RALYL: variants seen among roughly 807,000 people sequenced by gnomAD.
The protein encoded by RALYL is RNA-binding Raly-like protein.
In RALYL, 29 loss-of-function variants were observed where a neutral mutation model predicts 35.1. The observed-to-expected ratio is 0.83, with a 90% CI of 0.61 to 1.13. RALYL has a LOEUF of 1.13. Ranked by LOEUF, RALYL falls within the 50% of genes most tolerant of loss-of-function variation. The probability of loss-of-function intolerance (pLI) is 0.00; values close to 1 mark genes in which losing one functional copy is unlikely to be tolerated. For synonymous variants in RALYL, 120 were observed against 127.6 expected, an observed-to-expected ratio of 0.94 and a Z score of 0.40; for missense variants, 359 against 360.4, an observed-to-expected ratio of 1.00 and a Z score of 0.03.
chr8:84,854,196 A>G (rs761510550), intron 5 of RALYL, among the ~76,000 whole-genome samples: 2 of 152,042 alleles, frequency 1.3e-5, no homozygotes, highest in Non-Finnish European at 2.9e-5. Flanking sequence ...AAATACAAAA[A>G]TTAGCCAGGT....
At chr8:84,757,460 A>G (rs941323720) in intron 2 of RALYL, among the ~76,000 whole-genome samples, 7 of 152,156 alleles carry the variant, frequency 4.6e-5, no homozygotes, top group Non-Finnish European at 1.0e-4. Context: ...TATATCTCTT[A>G]TATTCATACA....
At chr8:84,786,179 T>G (rs1819406197) in intron 3 of RALYL, among the ~76,000 whole-genome samples, 1 of 152,218 alleles carries the variant, frequency 6.6e-6, no homozygotes. Context: ...TATGGCAGCA[T>G]AGTATTCCAC....
At chr8:84,741,701 T>C (rs963038760) in intron 2 of RALYL, among the ~76,000 whole-genome samples, 2 of 152,032 alleles carry the variant, frequency 1.3e-5, no homozygotes, top group Non-Finnish European at 2.9e-5. Context: ...GGGGAACACA[T>C]ACATCCAAAC....
chr8:84,678,836 A>G (rs951849512), intron 2 of RALYL: 3 of 170,268 alleles, frequency 1.8e-5, no homozygotes, highest in African/African-American at 7.2e-5. Context: ...GGAAAATCAA[A>G]AAGGATGAGA....
chr8:84,912,444 G>A (rs1196797039), intron 8 of RALYL, among the ~76,000 whole-genome samples: 1 of 151,972 alleles, frequency 6.6e-6, no homozygotes, highest in Admixed American at 6.6e-5. Flanking sequence ...CCTTAAAAAG[G>A]TCAATAATGT....
intron 1 of RALYL, among the ~76,000 whole-genome samples, chr8:84,248,226 G>C (rs528134170): frequency 6.6e-6 from 1 of 152,148 alleles, no homozygotes; most frequent in African/African-American, 2.4e-5. Flanking sequence ...TATCTCTTTA[G>C]GATGCTCATA....
chr8:84,501,108 T>A (rs569013468), intron 1 of RALYL, among the ~76,000 whole-genome samples: 5 of 152,276 alleles, frequency 3.3e-5, no homozygotes, highest in Non-Finnish European at 7.4e-5. Context: ...TCATTAAATG[T>A]GCTTTATATG....
chr8:84,468,706 G>A (rs1390370976), intron 1 of RALYL, among the ~76,000 whole-genome samples: 10 of 150,358 alleles, frequency 6.7e-5, no homozygotes, highest in Non-Finnish European at 3.0e-5. Flanking sequence ...GCTAGACTGG[G>A]GAAGTTCTCC....
chr8:84,312,628 C>T (rs1000245734), intron 1 of RALYL, among the ~76,000 whole-genome samples: 1 of 152,212 alleles, frequency 6.6e-6, no homozygotes, highest in Non-Finnish European at 1.5e-5. Context: ...AATCTTAAAG[C>T]TCTGAAATGA....
At chr8:84,354,259 T>C (rs1435053480) in intron 1 of RALYL, among the ~76,000 whole-genome samples, 1 of 150,268 alleles carries the variant, frequency 6.7e-6, no homozygotes, top group Non-Finnish European at 1.5e-5. Context: ...TAAATGTATT[T>C]GGCAAATTTG....
intron 2 of RALYL, among the ~76,000 whole-genome samples, chr8:84,632,098 T>C (rs1824040234): frequency 6.6e-6 from 1 of 151,720 alleles, no homozygotes. Flanking sequence ...GGGGTTAGTG[T>C]CCTTATAAAA....
chr8:84,203,040 C>G (rs1050695923), intron 1 of RALYL, among the ~76,000 whole-genome samples: 1 of 152,010 alleles, frequency 6.6e-6, no homozygotes, highest in Non-Finnish European at 1.5e-5. Flanking sequence ...TCTAGCCACA[C>G]AACAAAAGAA....
chr8:84,396,497 AC>A (rs1861786665), intron 1 of RALYL, among the ~76,000 whole-genome samples: 1 of 152,108 alleles, frequency 6.6e-6, no homozygotes, highest in Admixed American at 6.5e-5. Context: ...ACATTAAAGA[AC>A]CCTTGTTCAT....
intron 2 of RALYL, among the ~76,000 whole-genome samples, chr8:84,671,759 A>G (rs1022961944): frequency 2.6e-5 from 4 of 151,856 alleles, no homozygotes; most frequent in Admixed American, 2.0e-4. Context: ...CCACGAAACC[A>G]TTTTTTCCTT....
intron 4 of RALYL, among the ~76,000 whole-genome samples, chr8:84,843,301 C>G (rs989674375): frequency 9.2e-5 from 14 of 152,112 alleles, no homozygotes; most frequent in Non-Finnish European, 2.9e-5. Context: ...ACAAAAATCA[C>G]AAGCACTCTT....
At chr8:84,550,707 G>A (rs1319144958) in intron 2 of RALYL, among the ~76,000 whole-genome samples, 1 of 151,662 alleles carries the variant, frequency 6.6e-6, no homozygotes, top group Non-Finnish European at 1.5e-5. Flanking sequence ...TCAGAGTATA[G>A]CCATTATGAA....
intron 1 of RALYL, among the ~76,000 whole-genome samples, chr8:84,304,352 C>T (rs1003828517): frequency 7.9e-5 from 12 of 152,104 alleles, no homozygotes; most frequent in South Asian, 2.1e-4. Flanking sequence ...CTCCTGACCT[C>T]GTGATCTGCC....
At chr8:84,730,083 AAAG>A (rs1363679454) in intron 2 of RALYL, among the ~76,000 whole-genome samples, 4 of 152,170 alleles carry the variant, frequency 2.6e-5, no homozygotes, top group Admixed American at 1.3e-4. Context: ...CACAACCAAA[AAAG>A]AGAATTTTAG....
At chr8:84,651,227 TAAAATTAAA>T (rs1056551290) in intron 2 of RALYL, among the ~76,000 whole-genome samples, 4 of 151,410 alleles carry the variant, frequency 2.6e-5, no homozygotes, top group African/African-American at 9.7e-5. Context: ...ATAATAATAA[TAAAATTAAA>T]AAAATTAAAA....
Sources: gnomAD v4.1 joint callset for allele counts (sites outside exome capture counted in the v4.1 genomes callset) on GRCh38, gnomAD v4.1.1 for gene constraint, MANE v1.5 for transcripts, NCBI Gene and HGNC (gene_info 2026-07-23, HGNC 2026-07-21) for gene names.